RNFT2: variants seen among roughly 807,000 people sequenced by gnomAD.
RNFT2 encodes E3 ubiquitin-protein ligase RNFT2.
Under a neutral mutation model 53.0 loss-of-function variants are expected in RNFT2, and 36 were observed. That is an observed-to-expected ratio of 0.68 (90% CI 0.52 to 0.90). RNFT2 has a LOEUF of 0.90. Among genes scored for constraint, RNFT2 ranks in the 40% least tolerant of loss-of-function variants. The pLI, the probability that RNFT2 is intolerant of heterozygous loss-of-function variation, is 0.00. For missense variants in RNFT2, 514 were observed against 585.6 expected, an observed-to-expected ratio of 0.88 and a Z score of 1.26; for synonymous variants, 260 against 253.2, an observed-to-expected ratio of 1.03 and a Z score of -0.26.
chr12:116,775,903 C>T lies in RNFT2; in HGVS notation c.729-3292C>T, dbSNP rs142249804. 2.4e-3 allele frequency among the ~76,000 whole-genome samples: 366 copies of T among 152,002 alleles called. 2 individuals are homozygous for T. Among genetic ancestry groups the T allele is most frequent in the African/African-American group, 8.4e-3 (350 of 41,476 alleles). On this transcript the variant is annotated intron_variant, in intron 6 of 10. Transcript: ENST00000257575. ...ATTAAAAATATAAAAATTAGCCTGG[C>T]GTGGTGGTAGGCATCTGTAATCCCA... is the stretch of plus-strand genomic sequence containing the variant.
At chr12:116,809,372 A>AGT (rs1257184284) in intron 7 of RNFT2, among the ~76,000 whole-genome samples, 4 of 152,096 alleles carry the variant, frequency 2.6e-5, no homozygotes, top group Non-Finnish European at 5.9e-5. Flanking sequence ...AGGTTTCGGC[A>AGT]ACTCCTTCAT....
chr12:116,764,328 G>A (rs1424510285), intron 5 of RNFT2, among the ~76,000 whole-genome samples: 8 of 152,072 alleles, frequency 5.3e-5, no homozygotes, highest in South Asian at 2.1e-4. Flanking sequence ...AATACCACCT[G>A]TTCACCAAAA....
In RNFT2 at chr12:116,849,566, C is replaced by T. The variant is rs565615997; in HGVS notation, c.*118C>T. The T allele has an allele frequency of 1.4e-6, 2 of 1,432,730 alleles. No homozygotes were observed. The highest frequency in any genetic ancestry group is 1.5e-5 in the South Asian group (1 of 68,628). The allele number at this position is 1,432,730 out of a possible 1,614,324, so 88.8% of individuals were successfully genotyped here. On this transcript the variant is annotated 3_prime_UTR_variant, in exon 11 of 11. Transcript: ENST00000257575. The stretch of plus-strand genomic sequence containing the variant: ...CTTACATCCTGCCTCTTGCCCTCCA[C>T]CACCTCTGACCCCAAAGTCCCGCCC...
chr12:116,828,876 C>T (rs1157721907), intron 7 of RNFT2, among the ~76,000 whole-genome samples: 2 of 151,986 alleles, frequency 1.3e-5, no homozygotes, highest in East Asian at 1.9e-4. Context: ...CATGGTGGCT[C>T]ACATCTGTAG....
intron 10 of RNFT2, among the ~76,000 whole-genome samples, chr12:116,847,470 A>G (rs568924130): frequency 9.2e-5 from 14 of 152,086 alleles, no homozygotes; most frequent in Non-Finnish European, 1.9e-4. Context: ...TCCAAGTTAT[A>G]CAGCCAGAGA....
intron 7 of RNFT2, among the ~76,000 whole-genome samples, chr12:116,830,709 A>C (rs894835364): frequency 2.6e-5 from 4 of 152,158 alleles, no homozygotes; most frequent in South Asian, 2.1e-4. Flanking sequence ...CAGGAATATG[A>C]GACCAGCCTG....
At chr12:116,809,187 GTTCATTCATTCATTCA>G (rs10527732) in intron 7 of RNFT2, among the ~76,000 whole-genome samples, 4 of 150,836 alleles carry the variant, frequency 2.7e-5, no homozygotes, top group African/African-American at 9.8e-5. Context: ...AGCTGAGTTT[GTTCATTCATTCATTCA>G]TTCATTCATT....
chr12:116,827,127 G>A (rs1416545830), intron 7 of RNFT2, among the ~76,000 whole-genome samples: 2 of 151,654 alleles, frequency 1.3e-5, no homozygotes, highest in Non-Finnish European at 2.9e-5. Context: ...GGCTGAGGCA[G>A]GAGAATCGTT....
At chr12:116,743,234 AAAAAAAAAAACCG>A (rs1871716232) in intron 3 of RNFT2, among the ~76,000 whole-genome samples, 1 of 114,498 alleles carries the variant, frequency 8.7e-6, no homozygotes, top group East Asian at 2.4e-4. Flanking sequence ...AAAAAAAAAA[AAAAAAAAAAACCG>A]GTTAAAAAAC....
rs1348702404 is a variant in RNFT2 at position 116,743,236 on chromosome 12, AAAAAAAAAC to A, written c.83+2143_83+2151del. Among the ~76,000 whole-genome samples the A allele has an allele frequency of 1.8e-3, 204 of 113,708 alleles. 40 individuals carry two copies. Among genetic ancestry groups the A allele is most frequent in the Middle Eastern group, 4.3e-3 (1 of 230 alleles). The allele number at this position is 113,708 out of a possible 152,430, so 74.6% of individuals were successfully genotyped here. ...TCTAAAAAAAAAAAAAAAAAAAAAA[AAAAAAAAAC>A]CGGTTAAAAAACACTCATGAGCTAG... On this transcript the variant is annotated intron_variant, in intron 3 of 10. Coordinates refer to ENST00000257575, the MANE Select transcript of RNFT2 (RefSeq NM_001382266.1).
chr12:116,774,223 T>A (rs201216733), intron 6 of RNFT2, among the ~76,000 whole-genome samples: 1 of 152,150 alleles, frequency 6.6e-6, no homozygotes, highest in African/African-American at 2.4e-5. Flanking sequence ...TGGATAGTGG[T>A]GATGATTATG....
At chr12:116,754,846 T>C (rs1252764419) in intron 5 of RNFT2, among the ~76,000 whole-genome samples, 2 of 152,216 alleles carry the variant, frequency 1.3e-5, no homozygotes, top group African/African-American at 4.8e-5. Flanking sequence ...TGTTTTTTTC[T>C]TACTGATTTG....
intron 7 of RNFT2, among the ~76,000 whole-genome samples, chr12:116,820,125 G>C (rs1404331265): frequency 6.6e-6 from 1 of 152,150 alleles, no homozygotes; most frequent in African/African-American, 2.4e-5. Context: ...CAGTCTTACT[G>C]TGTCTCCCAG....
rs777679832 is a variant in RNFT2 at position 116,849,936 on chromosome 12, T to C, written c.*488T>C. The C allele has an allele frequency of 3.6e-4, 53 of 148,636 alleles. No homozygotes were observed. Among genetic ancestry groups the C allele is most frequent in the Admixed American group, 7.7e-4 (10 of 13,016 alleles). 9.2% of individuals were successfully genotyped at this position (148,636 alleles called of 1,614,324 possible). ...TCGGCTCGCTGCAACCTCCACCTCC[T>C]GGGTTCAAGCGATTCTCCTGCCTCA... On this transcript the variant is annotated 3_prime_UTR_variant, in exon 11 of 11. Coordinates refer to ENST00000257575, the MANE Select transcript of RNFT2 (RefSeq NM_001382266.1).
At chr12:116,792,542 C>G (rs1217405601) in intron 7 of RNFT2, among the ~76,000 whole-genome samples, 2 of 152,158 alleles carry the variant, frequency 1.3e-5, no homozygotes, top group Non-Finnish European at 2.9e-5. Context: ...ATTAATGCCT[C>G]CCTGGCAACT....
chr12:116,812,534 C>CT (rs112093335), intron 7 of RNFT2, among the ~76,000 whole-genome samples: 2,971 of 143,856 alleles, frequency 0.021, 94 homozygotes, highest in African/African-American at 0.068. Flanking sequence ...CTGTTCCTAT[C>CT]TTTTTTTTTT....
Position 116,849,349 on chromosome 12 carries a change from G to A in RNFT2, c.1236G>A (p.Leu412=), listed in dbSNP as rs557659149. The change falls in exon 11 of 11, where the codon CTG becomes CTA. Residue 412 remains leucine, a synonymous_variant. Coordinates refer to ENST00000257575, the MANE Select transcript of RNFT2 (RefSeq NM_001382266.1). Reference sequence around the variant, plus strand: ...GTGAGGAGTGCCTCTGCCTGTGGCTGGACCGTGAGCGCACCTGCCCGCTCT... The same window carrying A: ...GTGAGGAGTGCCTCTGCCTGTGGCTAGACCGTGAGCGCACCTGCCCGCTCT... The part of the protein sequence containing the change: ...VFCEECLCLW[L]DRERTCPLCR... 8.4e-6 allele frequency: 13 copies of A among 1,544,430 alleles called. No individual in the cohort carries two copies. The Admixed American group carries it at 2.5e-4, about 30-fold the overall frequency.
intron 10 of RNFT2, among the ~76,000 whole-genome samples, chr12:116,840,907 G>A (rs1877214237): frequency 7.8e-6 from 1 of 127,782 alleles, no homozygotes; most frequent in Non-Finnish European, 1.7e-5. Context: ...AGGATCTGAG[G>A]TTAGGGGTAT....
At position 116,752,510 on chromosome 12, in the gene RNFT2, T is replaced by C. The variant is rs550262081; in HGVS notation, c.551-1474T>C. On this transcript the variant is annotated intron_variant, in intron 4 of 10. Coordinates refer to ENST00000257575, the MANE Select transcript of RNFT2 (RefSeq NM_001382266.1). The stretch of plus-strand genomic sequence containing the variant: ...TATGGGGCTACTCATTCTTGTTTTA[T>C]GTGCTTATAGTGAAGAAATACAGCT... Among the ~76,000 whole-genome samples, 4 of 152,352 alleles carry C rather than the reference T, an allele frequency of 2.6e-5. No individual in the cohort carries two copies. The South Asian group carries it at 8.3e-4, about 32-fold the overall frequency.
Sources: gnomAD v4.1 joint callset for allele counts (sites outside exome capture counted in the v4.1 genomes callset) on GRCh38, gnomAD v4.1.1 for gene constraint, MANE v1.5 for transcripts, NCBI Gene and HGNC (gene_info 2026-07-23, HGNC 2026-07-21) for gene names.